The following RP1 variants were observed in gnomAD, a reference collection of about 807,000 sequenced individuals.
RP1 encodes RP1 axonemal microtubule associated, also known as oxygen-regulated protein 1.
RP1 carries 16 observed loss-of-function variants against 14.8 expected under a neutral mutation model. The ratio of observed to expected loss-of-function variants is 1.08; its 90% CI spans 0.73 to 1.65. RP1 has a LOEUF of 1.65. Among genes scored for constraint, RP1 ranks in the 40% most tolerant of loss-of-function variants. The pLI is 0.00. For synonymous variants in RP1, 876 were observed against 883.6 expected, an observed-to-expected ratio of 0.99 and a Z score of 0.15; for missense variants, 2,631 against 2,535.0, an observed-to-expected ratio of 1.04 and a Z score of -0.81.
At chr8:54,776,347 AT>A (rs1383856820) in intron 23 of RP1, among the ~76,000 whole-genome samples, 4 of 152,176 alleles carry the variant, frequency 2.6e-5, no homozygotes, top group Non-Finnish European at 5.9e-5. Flanking sequence ...GACTATGTGC[AT>A]ATGCCACCAC....
chr8:54,773,506 G>T (rs1809958614), downstream of RP1, among the ~76,000 whole-genome samples: 1 of 152,016 alleles, frequency 6.6e-6, no homozygotes, highest in Non-Finnish European at 1.5e-5. Flanking sequence ...GTGTGGTAGT[G>T]CATGCCTGTA....
intron 25 of RP1, among the ~76,000 whole-genome samples, chr8:54,840,407 C>T (rs1447420340): frequency 2.6e-5 from 4 of 151,892 alleles, no homozygotes; most frequent in African/African-American, 9.7e-5. Flanking sequence ...TGTGAGCCAC[C>T]TCACCTGGCT....
intron 24 of RP1, among the ~76,000 whole-genome samples, chr8:54,818,912 G>A (rs1003387414): frequency 6.6e-6 from 1 of 152,036 alleles, no homozygotes; most frequent in Non-Finnish European, 1.5e-5. Flanking sequence ...CTTAAGTAGG[G>A]GCAGAAAAGA....
At chr8:54,728,747 T>TA (rs1289277449) in intron 17 of RP1, among the ~76,000 whole-genome samples, 1 of 152,194 alleles carries the variant, frequency 6.6e-6, no homozygotes, top group Non-Finnish European at 1.5e-5. Context: ...TGCATTATGA[T>TA]ATTAATTTTG....
At chr8:54,696,851 AT>A in intron 12 of RP1, 3 of 754,374 alleles carry the variant, frequency 4.0e-6, no homozygotes, top group Admixed American at 3.4e-5. Context: ...CCAGTAACTC[AT>A]TTTGAAATGT....
intron 1 of RP1, among the ~76,000 whole-genome samples, chr8:54,571,140 T>G (rs1804511832): frequency 7.7e-6 from 1 of 130,630 alleles, no homozygotes; most frequent in Non-Finnish European, 1.6e-5. Flanking sequence ...TGGTCCTGCC[T>G]GCAGCACACA....
chr8:54,673,487 C>G (rs1281060118), intron 7 of RP1, among the ~76,000 whole-genome samples: 1 of 152,162 alleles, frequency 6.6e-6, no homozygotes, highest in African/African-American at 2.4e-5. Context: ...CGCCTGTAAT[C>G]CCAGCACTTT....
At chr8:54,623,118 T>G (rs906634513) in intron 3 of RP1, among the ~76,000 whole-genome samples, 1 of 152,240 alleles carries the variant, frequency 6.6e-6, no homozygotes, top group African/African-American at 2.4e-5. Context: ...CATTGTTGTT[T>G]AATGATTTCA....
In RP1 at chr8:54,796,575, G is replaced by A. The variant is rs377088671; in HGVS notation, c.3615+12865G>A. ...TGTTATAAGAGAGAAGAGAAGCATC[G>A]AGAGAGAACACTATTTAGTGACAGA... On this transcript the variant is annotated intron_variant, in intron 24 of 28. Transcript: ENST00000637698. Among the ~76,000 whole-genome samples, 8 of 152,122 alleles carry A rather than the reference G, an allele frequency of 5.3e-5. No homozygotes were observed. The East Asian group carries it at 1.2e-3, about 22-fold the overall frequency.
intron 8 of RP1, among the ~76,000 whole-genome samples, chr8:54,676,384 C>T (rs1342312885): frequency 6.6e-6 from 1 of 152,172 alleles, no homozygotes; most frequent in Non-Finnish European, 1.5e-5. Flanking sequence ...ACTTGAAGAA[C>T]CTGTGCCATC....
At chr8:54,585,789 C>T (rs11785530) in intron 1 of RP1, among the ~76,000 whole-genome samples, 45,735 of 152,098 alleles carry the variant, frequency 0.3, 8,247 homozygotes, top group Non-Finnish European at 0.41. Flanking sequence ...TTGATCGAAT[C>T]GGCTACTGAG....
At chr8:54,613,458 G>A (rs184013807), upstream of RP1, among the ~76,000 whole-genome samples, 18 of 152,232 alleles carry the variant, frequency 1.2e-4, no homozygotes, top group Non-Finnish European at 2.5e-4. Flanking sequence ...CCTTTAATAG[G>A]TATTTATTAA....
intron 19 of RP1, among the ~76,000 whole-genome samples, chr8:54,739,242 C>A (rs1416469752): frequency 6.6e-6 from 1 of 152,124 alleles, no homozygotes; most frequent in Non-Finnish European, 1.5e-5. Context: ...TCTCTACTTA[C>A]TATGGTTTGA....
At chr8:54,755,970 C>G (rs1809496803) in intron 21 of RP1, among the ~76,000 whole-genome samples, 2 of 152,086 alleles carry the variant, frequency 1.3e-5, no homozygotes, top group African/African-American at 4.8e-5. Context: ...ACTAAACCAA[C>G]AGTATATAAT....
chr8:54,809,183 G>A (rs899598910), intron 24 of RP1, among the ~76,000 whole-genome samples: 2 of 152,134 alleles, frequency 1.3e-5, no homozygotes, highest in Non-Finnish European at 2.9e-5. Context: ...CTCTATACAA[G>A]ATTGAATTTG....
downstream of RP1, chr8:54,630,870 C>G: frequency 1.0e-6 from 1 of 974,384 alleles, no homozygotes; most frequent in Non-Finnish European, 1.2e-6. Flanking sequence ...CTCAGAATAT[C>G]CAGTGAAATT....
At chr8:54,664,162 T>G (rs1473644303) in intron 7 of RP1, among the ~76,000 whole-genome samples, 1 of 152,224 alleles carries the variant, frequency 6.6e-6, no homozygotes, top group African/African-American at 2.4e-5. Context: ...GTGACTGGCT[T>G]ATTTCACTTA....
downstream of RP1, among the ~76,000 whole-genome samples, chr8:54,633,047 C>T (rs774072776): frequency 6.6e-6 from 1 of 152,138 alleles, no homozygotes; most frequent in Non-Finnish European, 1.5e-5. Flanking sequence ...CTCTGAGAGG[C>T]TTGCATGGAT....
chr8:54,589,860 G>C (rs1375345080), intron 1 of RP1, among the ~76,000 whole-genome samples: 1 of 152,170 alleles, frequency 6.6e-6, no homozygotes, highest in African/African-American at 2.4e-5. Context: ...TAAAATGAAT[G>C]ATCTCAAGTA....
Sources: allele counts gnomAD v4.1 joint callset (sites outside exome capture counted in the v4.1 genomes callset), GRCh38; gene constraint gnomAD v4.1.1; transcripts MANE v1.5; gene names NCBI Gene and HGNC (gene_info 2026-07-23, HGNC 2026-07-21).